LPIN2: variants seen among roughly 807,000 people sequenced by gnomAD.
LPIN2 encodes the protein phosphatidate phosphatase LPIN2.
A neutral mutation model predicts 111.4 loss-of-function variants in LPIN2; 55 were observed. The observed-to-expected ratio is 0.49, with a 90% CI of 0.40 to 0.62. The LOEUF (loss-of-function observed/expected upper bound fraction) is 0.62, where lower values mean the gene tolerates loss of function less well. Ranked by LOEUF, LPIN2 falls within the 20% of genes least tolerant of loss-of-function variation. The pLI is 0.00. For synonymous variants in LPIN2, 425 were observed against 414.0 expected, an observed-to-expected ratio of 1.03 and a Z score of -0.32; for missense variants, 992 against 1,112.1, an observed-to-expected ratio of 0.89 and a Z score of 1.54.
chr18:2,957,327 A>T (rs80073950), intron 2 of LPIN2, among the ~76,000 whole-genome samples: 2 of 152,240 alleles, frequency 1.3e-5, no homozygotes, highest in Non-Finnish European at 2.9e-5. Context: ...AAACTTCTTG[A>T]GCATTTACAT....
chr18:2,952,161 T>C (rs1410472406), intron 3 of LPIN2, among the ~76,000 whole-genome samples: 1 of 152,216 alleles, frequency 6.6e-6, no homozygotes, highest in Non-Finnish European at 1.5e-5. Context: ...ACGTGGTGGC[T>C]CACGCCTGCA....
At chr18:2,958,498 C>CA (rs1423212348) in intron 2 of LPIN2, among the ~76,000 whole-genome samples, 2 of 152,208 alleles carry the variant, frequency 1.3e-5, no homozygotes, top group East Asian at 1.9e-4. Context: ...TAAAATAAGA[C>CA]AAATAGTTAA....
At chr18:3,007,047 A>G (rs1444541673) in intron 1 of LPIN2, among the ~76,000 whole-genome samples, 1 of 151,090 alleles carries the variant, frequency 6.6e-6, no homozygotes, top group Admixed American at 6.5e-5. Flanking sequence ...AATAACAAAA[A>G]CAAAGCTTTA....
chr18:2,969,295 GC>G (rs1466739448), intron 1 of LPIN2, among the ~76,000 whole-genome samples: 6 of 152,348 alleles, frequency 3.9e-5, no homozygotes, highest in African/African-American at 1.4e-4. Flanking sequence ...AAGGCTCTGA[GC>G]CTTGGGAATT....
chr18:2,955,448 A>C (rs2077596029), intron 2 of LPIN2, among the ~76,000 whole-genome samples: 2 of 151,926 alleles, frequency 1.3e-5, no homozygotes, highest in South Asian at 4.2e-4. Flanking sequence ...ACTCAGCAAA[A>C]ACTCATTCAT....
Position 3,006,508 on chromosome 18 carries a change from T to C in LPIN2, c.-10+6579A>G, listed in dbSNP as rs149602674. ...GAGTTCGAGACCAGCCTGGGCAACA[T>C]AGTGAAGCCTGGTCTCTACAAAAAA... On this transcript the variant is annotated intron_variant, in intron 1 of 19. Transcript: ENST00000677752. Among the ~76,000 whole-genome samples the C allele has an allele frequency of 2.7e-3, 409 of 152,090 alleles. 1 individual carries two copies. Among genetic ancestry groups the C allele is most frequent in the Non-Finnish European group, 4.1e-3 (278 of 67,968 alleles).
chr18:2,931,973 A>C (rs962806347), intron 8 of LPIN2, among the ~76,000 whole-genome samples: 1 of 152,228 alleles, frequency 6.6e-6, no homozygotes, highest in Non-Finnish European at 1.5e-5. Context: ...AAATTAAACG[A>C]GCAAATTCTC....
chr18:2,967,476 C>T (rs1327749541), intron 1 of LPIN2: 1 of 152,282 alleles, frequency 6.6e-6, no homozygotes, highest in East Asian at 1.9e-4. Context: ...GCAAGCTTCT[C>T]CCCGGTCAGG....
In LPIN2 at chr18:2,920,390, C is replaced by G. The variant is rs1398896345; in HGVS notation, c.2594G>C (p.Ser865Thr). 1.9e-6 allele frequency: 3 copies of G among 1,613,916 alleles called. No individual in the cohort carries two copies. The highest frequency in any genetic ancestry group is 2.7e-5 in the African/African-American group (2 of 74,946). Residue 865 changes from serine to threonine, a missense_variant, in exon 20 of 20, where the codon AGT becomes ACT. Physicochemically the swap from Ser to Thr is moderately conservative, Grantham distance 58. Around this residue, in one of 4 missense-constraint regions of LPIN2, gnomAD observed 185 missense variants for 186.5 expected, o/e 0.99. Transcript: ENST00000677752. The stretch of plus-strand genomic sequence containing the variant: ...GGGAAAAGCGGAATTCTGCTCCTTA[C>G]TGAGAAGGGGGAACACATGCTCCAC... ...ELVEHVFPLL[S>T]KEQNSAFPCP...
At chr18:2,958,362 C>T (rs2077656599) in intron 2 of LPIN2, among the ~76,000 whole-genome samples, 1 of 151,888 alleles carries the variant, frequency 6.6e-6, no homozygotes, top group Admixed American at 6.6e-5. Context: ...TATTATACTA[C>T]ATCTCTCTAA....
At chr18:2,983,797 T>C (rs2078146958) in intron 1 of LPIN2, among the ~76,000 whole-genome samples, 1 of 152,202 alleles carries the variant, frequency 6.6e-6, no homozygotes, top group Non-Finnish European at 1.5e-5. Context: ...TTACCTAGTT[T>C]TTTTTTTCCC....
intron 1 of LPIN2, among the ~76,000 whole-genome samples, chr18:2,975,094 A>G: frequency 6.6e-6 from 1 of 152,332 alleles, no homozygotes; most frequent in Non-Finnish European, 1.5e-5. Context: ...TGTTATATTC[A>G]TTGTACTAAT....
At position 2,977,191 on chromosome 18, in the gene LPIN2, CAA is replaced by C. The variant is rs71159027; in HGVS notation, c.-9-16344_-9-16343del. 7.7e-3 allele frequency: 932 copies of C among 120,522 alleles called. 5 individuals carry two copies. The highest frequency in any genetic ancestry group is 0.025 in the African/African-American group (715 of 28,708). 7.5% of individuals were successfully genotyped at this position (120,522 alleles called of 1,614,324 possible). A position where few individuals can be genotyped will look rare whatever the true frequency, so the allele number is the denominator to read the frequency against. On this transcript the variant is annotated intron_variant, in intron 1 of 19. Coordinates refer to ENST00000677752, the MANE Select transcript of LPIN2 (RefSeq NM_001375808.2). ...AGACTGGGTGGCAGTGAGACCTTGT[CAA>C]AAAAAAAAAAAAAATCATAAACACC...
chr18:3,008,848 A>ATCACACAGG (rs1361292209), intron 1 of LPIN2, among the ~76,000 whole-genome samples: 1 of 150,068 alleles, frequency 6.7e-6, no homozygotes, highest in Admixed American at 6.6e-5. Context: ...AGCAGCTGGG[A>ATCACACAGG]TCACACAGGT....
At chr18:2,984,550 GAGAA>G (rs1189508125) in intron 1 of LPIN2, among the ~76,000 whole-genome samples, 1 of 151,984 alleles carries the variant, frequency 6.6e-6, no homozygotes, top group African/African-American at 2.4e-5. Flanking sequence ...AGGCTAGTAG[GAGAA>G]AGAGAGATTA....
chr18:2,931,224 A>G, intron 9 of LPIN2, 32 bp downstream of exon 9: 1 of 1,610,026 alleles, frequency 6.2e-7, no homozygotes, highest in Non-Finnish European at 8.5e-7. Context: ...TTGCTCTCTG[A>G]AATGAAGATG....
intron 1 of LPIN2, among the ~76,000 whole-genome samples, chr18:2,963,054 T>G (rs1294482673): frequency 6.6e-6 from 1 of 152,188 alleles, no homozygotes; most frequent in Non-Finnish European, 1.5e-5. Context: ...TGCCAGTTGC[T>G]AAATGTAGAA....
chr18:2,968,761 G>C (rs1409058140), intron 1 of LPIN2, among the ~76,000 whole-genome samples: 2 of 152,178 alleles, frequency 1.3e-5, no homozygotes, highest in Non-Finnish European at 1.5e-5. Context: ...ATGCCACAAG[G>C]CCTTTGACCC....
intron 1 of LPIN2, among the ~76,000 whole-genome samples, chr18:2,976,472 G>A (rs1257720213): frequency 1.3e-5 from 2 of 152,216 alleles, no homozygotes; most frequent in African/African-American, 4.8e-5. Context: ...AAAAAAGAAT[G>A]TAGGCTGCCT....
Sources: allele counts gnomAD v4.1 joint callset (sites outside exome capture counted in the v4.1 genomes callset), GRCh38; gene constraint gnomAD v4.1.1; regional missense constraint gnomAD v4.1.1; transcripts MANE v1.5; gene names NCBI Gene and HGNC (gene_info 2026-07-23, HGNC 2026-07-21).